DENND1A: variants seen among roughly 807,000 people sequenced by gnomAD.
The protein encoded by DENND1A is DENN domain-containing protein 1A.
A neutral mutation model predicts 113.7 loss-of-function variants in DENND1A; 51 were observed. The ratio of observed to expected loss-of-function variants is 0.45; its 90% CI spans 0.36 to 0.57. DENND1A has a LOEUF of 0.57. Among genes scored for constraint, DENND1A ranks in the 20% least tolerant of loss-of-function variants. DENND1A has a pLI of 0.00. For synonymous variants in DENND1A, 565 were observed against 570.8 expected, an observed-to-expected ratio of 0.99 and a Z score of 0.14; for missense variants, 1,258 against 1,395.9, an observed-to-expected ratio of 0.90 and a Z score of 1.57.
At chr9:123,524,081 G>A (rs913510919) in intron 13 of DENND1A, among the ~76,000 whole-genome samples, 9 of 152,154 alleles carry the variant, frequency 5.9e-5, no homozygotes, top group East Asian at 1.9e-4. Context: ...AAAAATACAC[G>A]TAACCCAGGG....
chr9:123,690,760 G>C (rs2065140083), intron 5 of DENND1A, among the ~76,000 whole-genome samples: 1 of 152,238 alleles, frequency 6.6e-6, no homozygotes, highest in Non-Finnish European at 1.5e-5. Context: ...CGAAGGGCTA[G>C]GGAGGTGGAT....
At chr9:123,813,749 C>T (rs1027540540) in intron 2 of DENND1A, among the ~76,000 whole-genome samples, 6 of 152,102 alleles carry the variant, frequency 3.9e-5, no homozygotes, top group Non-Finnish European at 7.4e-5. Context: ...GACATTTCTA[C>T]CAGCTTTTTT....
At chr9:123,588,644 GA>G (rs1195509731) in intron 11 of DENND1A, among the ~76,000 whole-genome samples, 22 of 118,492 alleles carry the variant, frequency 1.9e-4, no homozygotes, top group Admixed American at 1.1e-3. Flanking sequence ...GGGGGGGGGG[GA>G]AGAGAAAAGT....
intron 3 of DENND1A, among the ~76,000 whole-genome samples, chr9:123,792,120 CCA>C (rs1164613401): frequency 6.6e-6 from 1 of 152,194 alleles, no homozygotes; most frequent in Admixed American, 6.6e-5. Context: ...ACCCTTAAGT[CCA>C]TTTCTGCACG....
At chr9:123,537,876 A>G (rs2055905228) in intron 13 of DENND1A, among the ~76,000 whole-genome samples, 1 of 152,256 alleles carries the variant, frequency 6.6e-6, no homozygotes, top group Non-Finnish European at 1.5e-5. Context: ...AACGGACAGA[A>G]TATTGTTCCC....
intron 1 of DENND1A, among the ~76,000 whole-genome samples, chr9:123,885,158 T>C (rs1371763231): frequency 6.6e-6 from 1 of 152,138 alleles, no homozygotes; most frequent in East Asian, 1.9e-4. Flanking sequence ...TATCCAACCC[T>C]GGTACAATTA....
At chr9:123,548,511 C>G (rs551314558) in intron 13 of DENND1A, among the ~76,000 whole-genome samples, 1 of 152,172 alleles carries the variant, frequency 6.6e-6, no homozygotes, top group Non-Finnish European at 1.5e-5. Flanking sequence ...TTTGGAGGTT[C>G]CTCAAAAAGT....
intron 21 of DENND1A, among the ~76,000 whole-genome samples, chr9:123,389,159 G>A (rs1364857962): frequency 6.6e-6 from 1 of 152,268 alleles, no homozygotes; most frequent in African/African-American, 2.4e-5. Flanking sequence ...GGGGGACGGG[G>A]CAGGTGGCCT....
At chr9:123,649,980 T>C (rs571841387) in intron 9 of DENND1A, among the ~76,000 whole-genome samples, 1 of 152,314 alleles carries the variant, frequency 6.6e-6, no homozygotes, top group African/African-American at 2.4e-5. Context: ...TGGCACACAG[T>C]AAGGGATCAA....
At chr9:123,533,997 A>C (rs1050411102) in intron 13 of DENND1A, among the ~76,000 whole-genome samples, 3 of 152,244 alleles carry the variant, frequency 2.0e-5, no homozygotes, top group African/African-American at 7.2e-5. Context: ...GATATTATGA[A>C]AGACAAGATT....
intron 1 of DENND1A, among the ~76,000 whole-genome samples, chr9:123,903,049 A>C (rs904194345): frequency 2.6e-5 from 4 of 152,132 alleles, no homozygotes; most frequent in African/African-American, 9.7e-5. Flanking sequence ...AAACTGGAAA[A>C]AGGCCGGGCG....
chr9:123,646,912 T>A (rs2062367592), intron 9 of DENND1A, among the ~76,000 whole-genome samples: 1 of 152,104 alleles, frequency 6.6e-6, no homozygotes, highest in Non-Finnish European at 1.5e-5. Flanking sequence ...CCCAGGAAGC[T>A]GAGCAAAGTG....
intron 13 of DENND1A, among the ~76,000 whole-genome samples, chr9:123,502,414 G>A (rs2052569207): frequency 1.3e-5 from 2 of 152,102 alleles, no homozygotes; most frequent in South Asian, 2.1e-4. Context: ...GTATCTCATT[G>A]TCATTCTGAT....
At chr9:123,613,696 T>C (rs1229675107) in intron 10 of DENND1A, among the ~76,000 whole-genome samples, 1 of 152,244 alleles carries the variant, frequency 6.6e-6, no homozygotes, top group Non-Finnish European at 1.5e-5. Context: ...ACAATGCACA[T>C]AATTAAATTA....
At chr9:123,420,434 G>T (rs1349253617) in intron 19 of DENND1A, among the ~76,000 whole-genome samples, 2 of 152,086 alleles carry the variant, frequency 1.3e-5, no homozygotes, top group Non-Finnish European at 2.9e-5. Flanking sequence ...GGATGAGGGG[G>T]TGCTCAGGAT....
intron 12 of DENND1A, among the ~76,000 whole-genome samples, chr9:123,566,851 G>C (rs181529299): frequency 5.3e-5 from 8 of 150,330 alleles, no homozygotes; most frequent in African/African-American, 2.0e-4. Context: ...ACTTTTTTTT[G>C]TTGGCCCAGA....
chr9:123,697,491 G>A (rs939611961), intron 5 of DENND1A, among the ~76,000 whole-genome samples: 1 of 152,016 alleles, frequency 6.6e-6, no homozygotes, highest in Non-Finnish European at 1.5e-5. Flanking sequence ...CCCATCACTC[G>A]AGCAGTATAC....
intron 21 of DENND1A, among the ~76,000 whole-genome samples, chr9:123,403,188 C>A (rs148717482): frequency 6.6e-6 from 1 of 152,218 alleles, no homozygotes; most frequent in Non-Finnish European, 1.5e-5. Context: ...AGCCCAAGTG[C>A]CCGGCTCCCT....
intron 5 of DENND1A, among the ~76,000 whole-genome samples, chr9:123,693,820 T>TATC (rs1342571363): frequency 2.0e-5 from 3 of 147,228 alleles, no homozygotes; most frequent in African/African-American, 7.4e-5. Context: ...TTATTATTAT[T>TATC]ATTATTATTA....
Sources: gnomAD v4.1 joint callset for allele counts (sites outside exome capture counted in the v4.1 genomes callset) on GRCh38, gnomAD v4.1.1 for gene constraint, MANE v1.5 for transcripts, NCBI Gene and HGNC (gene_info 2026-07-23, HGNC 2026-07-21) for gene names.